Variants in SAP130 observed in about 807,000 individuals in gnomAD.
SAP130 encodes the protein histone deacetylase complex subunit SAP130.
Under a neutral mutation model 103.2 loss-of-function variants are expected in SAP130, and 16 were observed. The ratio of observed to expected loss-of-function variants is 0.16; its 90% CI spans 0.10 to 0.24. The LOEUF (loss-of-function observed/expected upper bound fraction) is 0.24, where lower values mean the gene tolerates loss of function less well. Among genes scored for constraint, SAP130 ranks in the 10% least tolerant of loss-of-function variants. The pLI, the probability that SAP130 is intolerant of heterozygous loss-of-function variation, is 1.00. For missense variants in SAP130, 990 were observed against 1,359.7 expected, an observed-to-expected ratio of 0.73 and a Z score of 4.28; for synonymous variants, 477 against 497.0, an observed-to-expected ratio of 0.96 and a Z score of 0.53.
At position 127,964,826 on chromosome 2, in the gene SAP130, G is replaced by A. The variant is rs199514887; in HGVS notation, c.2064-9482C>T. ...AGCCTGGCCAACATGGTGAAACCCC[G>A]TCTCTACTAAAAATTCAAAAATTAG... On this transcript the variant is annotated intron_variant, in intron 15 of 20. Coordinates refer to ENST00000643581, the MANE Select transcript of SAP130 (RefSeq NM_001330301.2). Among the ~76,000 whole-genome samples, 185 of 152,046 alleles carry A rather than the reference G, an allele frequency of 1.2e-3. 1 individual carries two copies. The East Asian group carries it at 0.033, about 28-fold the overall frequency.
At chr2:127,977,918 T>G (rs1324154596) in intron 15 of SAP130, 67 bp downstream of exon 15, 2 of 1,188,528 alleles carry the variant, frequency 1.7e-6, no homozygotes, top group African/African-American at 1.5e-5. Flanking sequence ...GCAGGAATAT[T>G]AGACTCTCCC....
chr2:127,999,422 C>T (rs1051054520), intron 10 of SAP130, among the ~76,000 whole-genome samples: 4 of 151,772 alleles, frequency 2.6e-5, no homozygotes, highest in Non-Finnish European at 5.9e-5. Context: ...GCCAACGTAG[C>T]GAAACCCCAT....
intron 18 of SAP130, among the ~76,000 whole-genome samples, 178 bp downstream of exon 18, chr2:127,949,691 A>G (rs1326694895): frequency 1.3e-5 from 2 of 152,208 alleles, no homozygotes; most frequent in Non-Finnish European, 2.9e-5. Flanking sequence ...GGCAAAGGGT[A>G]ATTTTCTAGG....
At chr2:127,990,028 T>C (rs1046832180) in intron 12 of SAP130, among the ~76,000 whole-genome samples, 162 bp from the exon 13 acceptor site, 12 of 152,204 alleles carry the variant, frequency 7.9e-5, no homozygotes, top group African/African-American at 2.9e-4. Flanking sequence ...AAACTTACTA[T>C]ACTTGGGATT....
At chr2:128,018,013 G>A (rs995599874) in intron 2 of SAP130, 98 bp from the exon 3 acceptor site, 1 of 952,616 alleles carries the variant, frequency 1.0e-6, no homozygotes, top group Non-Finnish European at 1.6e-6. Flanking sequence ...TCTCAGGATT[G>A]ACAAAGTGGC....
At chr2:127,983,504 G>C (rs1211792868) in intron 14 of SAP130, among the ~76,000 whole-genome samples, 6 of 152,188 alleles carry the variant, frequency 3.9e-5, no homozygotes, top group African/African-American at 1.4e-4. Flanking sequence ...GGATGTGGAA[G>C]AGAGGCAGGG....
chr2:127,966,922 G>C (rs1479085052), intron 15 of SAP130, among the ~76,000 whole-genome samples: 1 of 152,038 alleles, frequency 6.6e-6, no homozygotes, highest in Admixed American at 6.6e-5. Flanking sequence ...AATCTAGTTT[G>C]CATTGATACC....
intron 15 of SAP130, 82 bp downstream of exon 15, chr2:127,977,903 G>T: frequency 1.9e-6 from 2 of 1,045,094 alleles, no homozygotes; most frequent in Non-Finnish European, 2.9e-6. Context: ...ACAAGACTAT[G>T]TCATGCAGGA....
At chr2:127,999,526 C>T (rs1191230593) in intron 10 of SAP130, among the ~76,000 whole-genome samples, 1 of 151,786 alleles carries the variant, frequency 6.6e-6, no homozygotes, top group East Asian at 1.9e-4. Flanking sequence ...ACTGCTTGAA[C>T]CCAGGAGGTG....
rs1679652083 is a variant in SAP130, at chr2:127,953,817, C to T, written c.2422+1169G>A. On this transcript the variant is annotated intron_variant, in intron 16 of 20. Coordinates refer to ENST00000643581, the MANE Select transcript of SAP130 (RefSeq NM_001330301.2). This position sits in a 1 kb window ranked among gnomAD's most constrained non-coding sequence, Gnocchi z 4.0. The stretch of plus-strand genomic sequence containing the variant: ...TTTACACACATTCCAGCCCTGGCTA[C>T]AGCTTTCCTTATATTTTGTCCCTGC... 6.6e-6 allele frequency among the ~76,000 whole-genome samples: 1 copy of T among 152,168 alleles called. No homozygotes were observed. Among genetic ancestry groups the T allele is most frequent in the African/African-American group, 2.4e-5 (1 of 41,430 alleles).
chr2:127,971,852 GGTCA>G (rs1207532598), intron 15 of SAP130, among the ~76,000 whole-genome samples: 6 of 152,158 alleles, frequency 3.9e-5, no homozygotes, highest in Non-Finnish European at 1.5e-5. Context: ...AACATCTTTT[GGTCA>G]GTGTCTTAAG....
In SAP130 at chr2:127,942,990, A is replaced by AAAATAAAT. The variant is rs57077932; in HGVS notation, c.2902-461_2902-454dup. ...GCAACAAGAGCGAAATTCCATCTAA[A>AAAATAAAT]AAATAAATAAATAAATAAATAAATA... is the stretch of plus-strand genomic sequence containing the variant. On this transcript the variant is annotated intron_variant, in intron 19 of 20. Coordinates refer to ENST00000643581, the MANE Select transcript of SAP130 (RefSeq NM_001330301.2). The surrounding 1 kb of genome is among the most constrained non-coding windows in gnomAD (Gnocchi z 4.8). 2.0e-5 allele frequency among the ~76,000 whole-genome samples: 3 copies of AAAATAAAT among 151,982 alleles called. No individual in the cohort carries two copies. Among genetic ancestry groups the AAAATAAAT allele is most frequent in the Admixed American group, 6.6e-5 (1 of 15,262 alleles).
chr2:128,019,108 G>T (rs201083669), intron 2 of SAP130, among the ~76,000 whole-genome samples: 3 of 143,098 alleles, frequency 2.1e-5, no homozygotes, highest in African/African-American at 7.7e-5. Flanking sequence ...TCAAAAAAAA[G>T]AAAAAAAAAA....
chr2:128,002,204 A>T (rs1286737214), intron 7 of SAP130, among the ~76,000 whole-genome samples: 2 of 152,226 alleles, frequency 1.3e-5, no homozygotes, highest in Non-Finnish European at 2.9e-5. Flanking sequence ...GGCATGAGCC[A>T]ATGTGCCCGG....
intron 4 of SAP130, 54 bp from the exon 5 acceptor site, chr2:128,014,968 C>T (rs1684669083): frequency 6.9e-7 from 1 of 1,452,286 alleles, no homozygotes; most frequent in African/African-American, 1.4e-5. Flanking sequence ...TAGCCATTGC[C>T]TCTAGGAAGT....
At chr2:128,003,462 G>A (rs1304500234) in intron 7 of SAP130, among the ~76,000 whole-genome samples, 1 of 149,108 alleles carries the variant, frequency 6.7e-6, no homozygotes, top group African/African-American at 2.5e-5. Context: ...AGCTGTGACT[G>A]CGCCACTGCA....
chr2:128,000,230 C>T (rs10928793), intron 8 of SAP130, 77 bp downstream of exon 8: 1,246,663 of 1,605,066 alleles, frequency 0.78, 485,287 homozygotes, highest in East Asian at 0.86. Flanking sequence ...TCGGTATCAC[C>T]AGGCCCTCAG....
At position 127,955,389 on chromosome 2, in the gene SAP130, T is replaced by C. The variant is rs560602008; in HGVS notation, c.2064-45A>G. On this transcript the variant is annotated intron_variant, in intron 15 of 20. Coordinates refer to ENST00000643581, the MANE Select transcript of SAP130 (RefSeq NM_001330301.2). The surrounding 1 kb of genome is among the most constrained non-coding windows in gnomAD (Gnocchi z 4.9). ...CACATGTAGCAAATAAGAAAAAAAC[T>C]GCCTTCATCTACAACATCTCAGAGG... 17 of 1,308,556 alleles carry C rather than the reference T, an allele frequency of 1.3e-5. No homozygotes were observed. In the South Asian group the frequency reaches 2.3e-4, roughly 17 times the overall value. The allele number at this position is 1,308,556 out of a possible 1,614,324, so 81.1% of individuals were successfully genotyped here.
intron 2 of SAP130, among the ~76,000 whole-genome samples, chr2:128,020,215 G>C (rs536975143): frequency 6.6e-6 from 1 of 152,248 alleles, no homozygotes; most frequent in South Asian, 2.1e-4. Context: ...TAGCTGTGCA[G>C]CTCAATGGAC....
Sources: allele counts gnomAD v4.1 joint callset (sites outside exome capture counted in the v4.1 genomes callset), GRCh38; gene constraint gnomAD v4.1.1; non-coding constraint Gnocchi (gnomAD v3.1); transcripts MANE v1.5; gene names NCBI Gene and HGNC (gene_info 2026-07-23, HGNC 2026-07-21).